Variants in ADAMTS2 observed in about 807,000 individuals in gnomAD.
The protein encoded by ADAMTS2 is ADAM metallopeptidase with thrombospondin type 1 motif 2.
ADAMTS2 carries 50 observed loss-of-function variants against 123.0 expected under a neutral mutation model. That is an observed-to-expected ratio of 0.41 (90% CI 0.32 to 0.51). The LOEUF is 0.51. Ranked by LOEUF, ADAMTS2 falls within the 20% of genes least tolerant of loss-of-function variation. The pLI is 0.35. For missense variants in ADAMTS2, 1,494 were observed against 1,705.2 expected, an observed-to-expected ratio of 0.88 and a Z score of 2.18; for synonymous variants, 678 against 695.4, an observed-to-expected ratio of 0.98 and a Z score of 0.39.
At chr5:179,301,933 G>A (rs1314754031) in intron 2 of ADAMTS2, among the ~76,000 whole-genome samples, 15 of 152,248 alleles carry the variant, frequency 9.9e-5, no homozygotes, top group Non-Finnish European at 2.1e-4. Flanking sequence ...CAGGCCCCCA[G>A]CTGCTTGGGA....
At chr5:179,281,021 C>G (rs2450194) in intron 2 of ADAMTS2, among the ~76,000 whole-genome samples, 4 of 152,172 alleles carry the variant, frequency 2.6e-5, no homozygotes, top group African/African-American at 9.7e-5. Context: ...CCACATCCAG[C>G]TAATTTTTGT....
In ADAMTS2 at chr5:179,125,092, G is replaced by A. The variant is rs746548625; in HGVS notation, c.2839C>T (p.His947Tyr). ...VRSVRCIQPL[H>Y]DNTTRSVHAK... The stretch of plus-strand genomic sequence containing the variant: ...TGCACGGAGCGGGTGGTGTTGTCGT[G>A]TAGCGGCTGAATGCAGCGCACGGAG... Residue 947 changes from histidine (H) to tyrosine (Y), a missense_variant, in exon 19 of 22, where the codon CAC (histidine) becomes TAC (tyrosine). By Grantham distance (83) the His-to-Tyr change is moderately conservative. Coordinates refer to ENST00000251582, the MANE Select transcript of ADAMTS2 (RefSeq NM_014244.5). 1 of 1,612,970 alleles carries A rather than the reference G, an allele frequency of 6.2e-7. No homozygotes were observed. Among genetic ancestry groups the A allele is most frequent in the South Asian group, 1.1e-5 (1 of 91,072 alleles).
At chr5:179,201,818 TA>T (rs1162062240) in intron 4 of ADAMTS2, among the ~76,000 whole-genome samples, 1 of 151,656 alleles carries the variant, frequency 6.6e-6, no homozygotes, top group Non-Finnish European at 1.5e-5. Flanking sequence ...AATAAATAAA[TA>T]AAATAAATCA....
chr5:179,204,123 T>C lies in ADAMTS2; in HGVS notation c.891+3390A>G, dbSNP rs188902977. ...GGACAATTATTGTTTGATCCACTTA[T>C]GCGAGGTACCCAGAGTAGTCAAATT... is the stretch of plus-strand genomic sequence containing the variant. On this transcript the variant is annotated intron_variant, in intron 4 of 21. Transcript: ENST00000251582. 4.1e-3 allele frequency among the ~76,000 whole-genome samples: 630 copies of C among 152,328 alleles called. 6 individuals are homozygous for C. Among genetic ancestry groups the C allele is most frequent in the African/African-American group, 0.015 (609 of 41,570 alleles).
chr5:179,207,302 C>T (rs535682260), intron 4 of ADAMTS2, among the ~76,000 whole-genome samples: 32 of 152,332 alleles, frequency 2.1e-4, no homozygotes, highest in Middle Eastern at 3.4e-3. Context: ...CCATCACCCA[C>T]GATGTGCAGA....
chr5:179,234,386 G>A lies in ADAMTS2; in HGVS notation c.689-26671C>T, dbSNP rs938087669. On this transcript the variant is annotated intron_variant, in intron 3 of 21. Coordinates refer to ENST00000251582, the MANE Select transcript of ADAMTS2 (RefSeq NM_014244.5). This position sits in a 1 kb window ranked among gnomAD's most constrained non-coding sequence, Gnocchi z 4.7. ...CACAGGAAGTGGGGCCCAGTCCACC[G>A]TGCCCTGGACGCTGCTCATCCACTA... 1.3e-5 allele frequency among the ~76,000 whole-genome samples: 2 copies of A among 152,080 alleles called. No homozygotes were observed. Among genetic ancestry groups the A allele is most frequent in the African/African-American group, 2.4e-5 (1 of 41,390 alleles).
At position 179,135,858 on chromosome 5, in the gene ADAMTS2, G is replaced by A. The variant is rs1166710957; in HGVS notation, c.2085+51C>T. 7 of 1,611,026 alleles carry A rather than the reference G, an allele frequency of 4.3e-6. No homozygotes were observed. In the Admixed American group the frequency reaches 1.0e-4, roughly 23 times the overall value. On this transcript the variant is annotated intron_variant, in intron 13 of 21. Coordinates refer to ENST00000251582, the MANE Select transcript of ADAMTS2 (RefSeq NM_014244.5). ...CGAAAAGGGGGAGGTCAGTACCCAG[G>A]AAGCTGAGACTTGACACGGTAGCCC...
At chr5:179,163,096 G>A (rs1763629294) in intron 5 of ADAMTS2, among the ~76,000 whole-genome samples, 1 of 152,136 alleles carries the variant, frequency 6.6e-6, no homozygotes, top group African/African-American at 2.4e-5. Context: ...AGCTGCGGGA[G>A]GAGCCAGGCT....
At chr5:179,157,211 A>G (rs1251552137) in intron 6 of ADAMTS2, among the ~76,000 whole-genome samples, 1 of 151,948 alleles carries the variant, frequency 6.6e-6, no homozygotes, top group African/African-American at 2.4e-5. Context: ...TGGCCTCCCA[A>G]AGTGCTGGGA....
chr5:179,203,072 ACCC>A (rs1764603631), intron 4 of ADAMTS2, among the ~76,000 whole-genome samples: 1 of 152,156 alleles, frequency 6.6e-6, no homozygotes, highest in African/African-American at 2.4e-5. Context: ...GGCAGAAGTC[ACCC>A]CAAATGATGA....
chr5:179,282,138 C>A (rs933113034), intron 2 of ADAMTS2, among the ~76,000 whole-genome samples: 1 of 152,196 alleles, frequency 6.6e-6, no homozygotes, highest in Non-Finnish European at 1.5e-5. Context: ...TCATGAAGGA[C>A]TTTCTTGAAG....
Position 179,333,346 on chromosome 5 carries a change from G to A in ADAMTS2, c.534+10421C>T, listed in dbSNP as rs144827825. Among the ~76,000 whole-genome samples the A allele has an allele frequency of 2.7e-3, 417 of 152,310 alleles. 6 individuals carry two copies. Among genetic ancestry groups the A allele is most frequent in the African/African-American group, 9.6e-3 (398 of 41,562 alleles). Reference sequence around the variant, plus strand: ...GCCAGGCCCCAAGTCTGGTCTGTGAGCCCCCACTCCCCACAGCCCTCGCTA... The same window carrying A: ...GCCAGGCCCCAAGTCTGGTCTGTGAACCCCCACTCCCCACAGCCCTCGCTA... On this transcript the variant is annotated intron_variant, in intron 2 of 21. Coordinates refer to ENST00000251582, the MANE Select transcript of ADAMTS2 (RefSeq NM_014244.5).
rs866878886 is a variant in ADAMTS2 at position 179,307,980 on chromosome 5, G to A, written c.535-34916C>T. On this transcript the variant is annotated intron_variant, in intron 2 of 21. Transcript: ENST00000251582. This position sits in a 1 kb window ranked among gnomAD's most constrained non-coding sequence, Gnocchi z 5.6. ...GCAAAGTTGTCCTTGCTGGGTCCAC[G>A]TCACCAGACCAGTGCCTGGCATCTC... 2.0e-5 allele frequency among the ~76,000 whole-genome samples: 3 copies of A among 152,180 alleles called. No individual in the cohort carries two copies. The highest frequency in any genetic ancestry group is 1.9e-4 in the East Asian group (1 of 5,204).
In ADAMTS2 at chr5:179,132,140, GC is replaced by G; in HGVS notation, c.2290+89del. 2 of 1,316,600 alleles carry G rather than the reference GC, an allele frequency of 1.5e-6. No homozygotes were observed. Among genetic ancestry groups the G allele is most frequent in the Non-Finnish European group, 2.2e-6 (2 of 924,372 alleles). 81.6% of individuals were successfully genotyped at this position (1,316,600 alleles called of 1,614,324 possible). ...CTCAGGTCATGGCTGCACAACCCGG[GC>G]CCCTGACCCCTGACCCCTGGCACTC... is the stretch of plus-strand genomic sequence containing the variant. On this transcript the variant is annotated intron_variant, in intron 15 of 21. Coordinates refer to ENST00000251582, the MANE Select transcript of ADAMTS2 (RefSeq NM_014244.5). The surrounding 1 kb of genome is among the most constrained non-coding windows in gnomAD (Gnocchi z 6.1).
intron 2 of ADAMTS2, among the ~76,000 whole-genome samples, chr5:179,326,039 C>T (rs984845081): frequency 2.0e-5 from 3 of 152,248 alleles, no homozygotes; most frequent in African/African-American, 7.2e-5. Context: ...AAGGCTGCCT[C>T]TCCGTCCTGC....
At chr5:179,161,166 G>A (rs987830594) in intron 5 of ADAMTS2, among the ~76,000 whole-genome samples, 6 of 152,200 alleles carry the variant, frequency 3.9e-5, no homozygotes, top group Admixed American at 6.5e-5. Context: ...CCTGACCCCT[G>A]CAGCTCATCT....
At chr5:179,167,246 C>T (rs1284335939) in intron 5 of ADAMTS2, among the ~76,000 whole-genome samples, 1 of 151,940 alleles carries the variant, frequency 6.6e-6, no homozygotes, top group Non-Finnish European at 1.5e-5. Flanking sequence ...CCGCGCGGGG[C>T]GGGCAGAGGA....
At chr5:179,164,820 T>G (rs1375801113) in intron 5 of ADAMTS2, among the ~76,000 whole-genome samples, 2 of 152,266 alleles carry the variant, frequency 1.3e-5, no homozygotes, top group South Asian at 2.1e-4. Flanking sequence ...AAAACAACCA[T>G]CCGCAAACTC....
At chr5:179,293,331 G>T (rs1561697928) in intron 2 of ADAMTS2, among the ~76,000 whole-genome samples, 2 of 152,240 alleles carry the variant, frequency 1.3e-5, no homozygotes, top group African/African-American at 2.4e-5. Flanking sequence ...TCTGATTCTT[G>T]CAGGCTTTGT....
Sources: gnomAD v4.1 joint callset for allele counts (sites outside exome capture counted in the v4.1 genomes callset) on GRCh38, gnomAD v4.1.1 for gene constraint, Gnocchi (gnomAD v3.1) non-coding constraint, MANE v1.5 for transcripts, NCBI Gene and HGNC (gene_info 2026-07-23, HGNC 2026-07-21) for gene names.